The following FAM117A variants were observed in gnomAD, a reference collection of about 807,000 sequenced individuals.
FAM117A encodes the protein family with sequence similarity 117 member A.
FAM117A carries 21 observed loss-of-function variants against 44.1 expected under a neutral mutation model. The ratio of observed to expected loss-of-function variants is 0.48; its 90% CI spans 0.34 to 0.69. The LOEUF (loss-of-function observed/expected upper bound fraction) is 0.69. Ranked by LOEUF, FAM117A falls within the 30% of genes least tolerant of loss-of-function variation. The pLI, the probability that FAM117A is intolerant of heterozygous loss-of-function variation, is 0.01. For missense variants in FAM117A, 498 were observed against 589.9 expected (o/e 0.84, Z 1.61); for synonymous variants, 220 against 238.3 (o/e 0.92, Z 0.71).
At chr17:49,770,991 G>C (rs994240326) in intron 1 of FAM117A, among the ~76,000 whole-genome samples, 1 of 152,140 alleles carries the variant, frequency 6.6e-6, no homozygotes, top group South Asian at 2.1e-4. Context: ...TGAATCACTT[G>C]AGGTCAGGAG....
chr17:49,713,700 T>G (rs2073488658), intron 7 of FAM117A, among the ~76,000 whole-genome samples: 1 of 151,586 alleles, frequency 6.6e-6, no homozygotes, highest in Non-Finnish European at 1.5e-5. Flanking sequence ...GTAGAGAGGG[T>G]GTCTCCCTAT....
intron 1 of FAM117A, among the ~76,000 whole-genome samples, chr17:49,749,901 G>C (rs1427364690): frequency 6.7e-6 from 1 of 148,464 alleles, no homozygotes; most frequent in African/African-American, 2.4e-5. Context: ...CTCACATCCT[G>C]CTTCCACCCC....
chr17:49,719,890 G>A lies in FAM117A; in HGVS notation c.578C>T (p.Ser193Phe), dbSNP rs768972931. The change falls in exon 5 of 8, where the codon TCC (serine) becomes TTC (phenylalanine). Residue 193 changes from serine to phenylalanine, a missense_variant. Around this residue, in one of 3 missense-constraint regions of FAM117A, gnomAD observed 270 missense variants for 277.4 expected, o/e 0.97. Transcript: ENST00000240364. ...GGACCCTGAGGGGAAGCTGGGAGGGGACGCCTGAGGAAGAGGCAAATGACA... is the reference window on the plus strand; with the variant it reads ...GGACCCTGAGGGGAAGCTGGGAGGGAACGCCTGAGGAAGAGGCAAATGACA... ...DHAVRGALRA[S>F]PPSFPSGSPV... The A allele has an allele frequency of 2.5e-6, 4 of 1,601,042 alleles. No homozygotes were observed. The highest frequency in any genetic ancestry group is 2.5e-6 in the Non-Finnish European group (3 of 1,176,862).
In FAM117A at chr17:49,722,549, AG is replaced by A; in HGVS notation, c.411del (p.Cys138ValfsTer21). Reference sequence around the variant, plus strand: ...CAGGATGCTGAGCGCTTGTGTGCACAGGAACTGGCACGCTCACCTTCTAGCT... The same window carrying A: ...CAGGATGCTGAGCGCTTGTGTGCACAGAACTGGCACGCTCACCTTCTAGCT... Reference protein sequence around the residue: ...WQELEGERASSCAHKRSASWG... With the variant: ...WQELEGERASXCAHKRSASWG... On this transcript the variant is annotated frameshift_variant, in exon 3 of 8. Coordinates refer to ENST00000240364, the MANE Select transcript of FAM117A (RefSeq NM_030802.4). LOFTEE classifies it high-confidence loss of function. 1 of 1,614,046 alleles carries A rather than the reference AG, an allele frequency of 6.2e-7. No homozygotes were observed. Among genetic ancestry groups the A allele is most frequent in the Non-Finnish European group, 8.5e-7 (1 of 1,179,952 alleles).
chr17:49,763,538 A>G (rs1598035078), intron 1 of FAM117A, among the ~76,000 whole-genome samples: 1 of 74,154 alleles, frequency 1.3e-5, no homozygotes, highest in South Asian at 4.2e-4. Flanking sequence ...GGGCGCCCCC[A>G]CCACGCGCCA....
chr17:49,744,040 A>G (rs1323043445), intron 1 of FAM117A, among the ~76,000 whole-genome samples: 1 of 152,228 alleles, frequency 6.6e-6, no homozygotes, highest in Non-Finnish European at 1.5e-5. Flanking sequence ...CGGATAATCA[A>G]AATAATTTCT....
At chr17:49,788,154 A>G (rs545681534) in intron 1 of FAM117A, among the ~76,000 whole-genome samples, 3 of 152,358 alleles carry the variant, frequency 2.0e-5, no homozygotes, top group African/African-American at 7.2e-5. Context: ...TCTACCAGAC[A>G]GGAAACTTGA....
At chr17:49,716,126 ACCCT>A in intron 7 of FAM117A, 35 bp downstream of exon 7, 1 of 1,053,976 alleles carries the variant, frequency 9.5e-7, no homozygotes, top group Non-Finnish European at 1.4e-6. Flanking sequence ...ATGTAGGCCC[ACCCT>A]CCCCTCCCAC....
intron 2 of FAM117A, among the ~76,000 whole-genome samples, chr17:49,726,391 T>C (rs942940064): frequency 2.0e-5 from 3 of 152,158 alleles, no homozygotes; most frequent in Admixed American, 6.5e-5. Context: ...TTTGTATTTG[T>C]AGTAGAGACG....
chr17:49,722,044 A>G lies in FAM117A; in HGVS notation c.462+455T>C, dbSNP rs565452053. 6.4e-3 allele frequency among the ~76,000 whole-genome samples: 975 copies of G among 152,306 alleles called. 8 individuals carry two copies. The highest frequency in any genetic ancestry group is 0.022 in the African/African-American group (929 of 41,550). On this transcript the variant is annotated intron_variant, in intron 3 of 7. Coordinates refer to ENST00000240364, the MANE Select transcript of FAM117A (RefSeq NM_030802.4). The stretch of plus-strand genomic sequence containing the variant: ...AACCCAGGAGGCGGAAGTTGCAGTG[A>G]GCCGAGATCGTGCCACTGTACTCCA...
chr17:49,730,956 T>G (rs180876771), intron 2 of FAM117A, among the ~76,000 whole-genome samples: 25 of 152,324 alleles, frequency 1.6e-4, no homozygotes, highest in Non-Finnish European at 2.8e-4. Context: ...CCCTTGGCTG[T>G]CTGTTTACTG....
chr17:49,734,334 T>C (rs995880528), intron 1 of FAM117A, among the ~76,000 whole-genome samples: 1 of 151,932 alleles, frequency 6.6e-6, no homozygotes, highest in Non-Finnish European at 1.5e-5. Context: ...GGCTCACACC[T>C]GTAATCCCAG....
chr17:49,732,626 G>A lies in FAM117A; in HGVS notation c.291C>T (p.Ser97=), dbSNP rs1302701694. The change falls in exon 2 of 8, where the codon AGC becomes AGT. Residue 97 remains serine, a synonymous_variant. Coordinates refer to ENST00000240364, the MANE Select transcript of FAM117A (RefSeq NM_030802.4). ...RRTFSLDTIL[S]SYLLGQWPRD... is the part of the protein sequence containing the mutation. The stretch of plus-strand genomic sequence containing the variant: ...GTGGCCACTGGCCCAGAAGGTAGGA[G>A]CTGAGGATGGTGTCCAGGGAGAATG... 6.2e-7 allele frequency: 1 copy of A among 1,614,178 alleles called. No homozygotes were observed. The highest frequency in any genetic ancestry group is 2.2e-5 in the East Asian group (1 of 44,892).
intron 1 of FAM117A, among the ~76,000 whole-genome samples, chr17:49,757,862 C>T (rs1348091592): frequency 6.6e-6 from 1 of 152,198 alleles, no homozygotes; most frequent in Non-Finnish European, 1.5e-5. Flanking sequence ...TTTGCTTCCA[C>T]TCTTCCCTGT....
intron 1 of FAM117A, among the ~76,000 whole-genome samples, chr17:49,770,530 T>C (rs1054466621): frequency 6.6e-6 from 1 of 152,160 alleles, no homozygotes; most frequent in Non-Finnish European, 1.5e-5. Context: ...ATGGACACTT[T>C]TTCGAACTCT....
At chr17:49,779,276 G>T (rs1261384304) in intron 1 of FAM117A, among the ~76,000 whole-genome samples, 1 of 152,212 alleles carries the variant, frequency 6.6e-6, no homozygotes, top group Non-Finnish European at 1.5e-5. Context: ...GCTGCCAATG[G>T]TTCTTTCTCC....
At chr17:49,739,688 C>T (rs1249423683) in intron 1 of FAM117A, among the ~76,000 whole-genome samples, 1 of 152,216 alleles carries the variant, frequency 6.6e-6, no homozygotes, top group Non-Finnish European at 1.5e-5. Flanking sequence ...CTGGAAAGTA[C>T]CCCTCTCAGA....
chr17:49,771,738 C>T (rs1048162549), intron 1 of FAM117A, among the ~76,000 whole-genome samples: 1 of 152,202 alleles, frequency 6.6e-6, no homozygotes, highest in Non-Finnish European at 1.5e-5. Context: ...GCACCCCCTC[C>T]CAGAGGAAAG....
rs1322680301 is a variant in FAM117A, at chr17:49,716,187, C to CT, written c.1038dup (p.Val347SerfsTer5). On this transcript the variant is annotated frameshift_variant, in exon 7 of 8. Transcript: ENST00000240364. LOFTEE classifies it high-confidence loss of function. ...CACGTGGCTTCTTCAAACACACGCACTTTCTCACAGCCTTCTGGGGGCTCC... is the reference window on the plus strand; with the variant it reads ...CACGTGGCTTCTTCAAACACACGCACTTTTCTCACAGCCTTCTGGGGGCTCC... The CT allele has an allele frequency of 6.2e-7, 1 of 1,612,306 alleles. No homozygotes were observed.
Sources: allele counts gnomAD v4.1 joint callset (sites outside exome capture counted in the v4.1 genomes callset), GRCh38; gene constraint gnomAD v4.1.1; regional missense constraint gnomAD v4.1.1; transcripts MANE v1.5; gene names NCBI Gene and HGNC (gene_info 2026-07-23, HGNC 2026-07-21).